The following LMAN2 variants were observed in gnomAD, a reference collection of about 807,000 sequenced individuals.
LMAN2 encodes vesicular integral-membrane protein VIP36.
In LMAN2, 22 loss-of-function variants were observed where a neutral mutation model predicts 39.3. The ratio of observed to expected loss-of-function variants is 0.56; its 90% CI spans 0.40 to 0.80. The LOEUF (loss-of-function observed/expected upper bound fraction) is 0.80, where lower values mean the gene tolerates loss of function less well. LMAN2 is among the 30% of genes least tolerant of loss of function. The probability of loss-of-function intolerance (pLI) is 0.00; values close to 1 mark genes in which losing one functional copy is unlikely to be tolerated. For missense variants in LMAN2, 494 were observed against 505.4 expected (o/e 0.98, Z 0.22); for synonymous variants, 207 against 207.8 (o/e 1.00, Z 0.03).
Position 177,332,194 on chromosome 5 carries a change from C to G in LMAN2, c.963G>C (p.Trp321Cys). 1 of 1,613,410 alleles carries G rather than the reference C, an allele frequency of 6.2e-7. No homozygotes were observed. Among genetic ancestry groups the G allele is most frequent in the East Asian group, 2.2e-5 (1 of 44,862 alleles). Reference protein sequence around the residue: ...GNFRSGPLTGWRVFLLLLCAL... With the variant: ...GNFRSGPLTGCRVFLLLLCAL... ...CGCACAGCAGCAGCAGGAACACCCG[C>G]CACCCCGTCAGGGGCCCGCTGCGGA... Residue 321 changes from tryptophan (W) to cysteine (C), a missense_variant, in exon 8 of 8, where the codon TGG becomes TGC. Physicochemically the swap from Trp to Cys is radical, Grantham distance 215. Coordinates refer to ENST00000303127, the MANE Select transcript of LMAN2 (RefSeq NM_006816.3). This position sits in a 1 kb window ranked among gnomAD's most constrained non-coding sequence, Gnocchi z 6.3.
In LMAN2 at chr5:177,337,596, A is replaced by G; in HGVS notation, c.514-72T>C. 2 of 1,605,820 alleles carry G rather than the reference A, an allele frequency of 1.2e-6. No individual in the cohort carries two copies. Among genetic ancestry groups the G allele is most frequent in the Non-Finnish European group, 1.7e-6 (2 of 1,174,582 alleles). ...GCGAGCAGGGGCACCCACCACCCCA[A>G]TCCCTGGAGGCTCCTCTTGTGCTGG... is the stretch of plus-strand genomic sequence containing the variant. On this transcript the variant is annotated intron_variant, in intron 4 of 7. Coordinates refer to ENST00000303127, the MANE Select transcript of LMAN2 (RefSeq NM_006816.3). The surrounding 1 kb of genome is among the most constrained non-coding windows in gnomAD (Gnocchi z 8.2).
intron 2 of LMAN2, among the ~76,000 whole-genome samples, chr5:177,345,916 C>T (rs1478637965): frequency 2.6e-5 from 4 of 152,122 alleles, no homozygotes; most frequent in South Asian, 2.1e-4. Flanking sequence ...TACAAGCGCC[C>T]GCCACCACAC....
intron 2 of LMAN2, among the ~76,000 whole-genome samples, chr5:177,344,556 A>T (rs925012553): frequency 4.6e-5 from 7 of 150,742 alleles, no homozygotes; most frequent in African/African-American, 1.7e-4. Flanking sequence ...CTGGGATTAT[A>T]GGCGTGAGCC....
chr5:177,335,289 C>T (rs2127314219), intron 6 of LMAN2, among the ~76,000 whole-genome samples: 1 of 152,344 alleles, frequency 6.6e-6, no homozygotes, highest in East Asian at 1.9e-4. Context: ...CATCTGGGCT[C>T]TGCTGCTTCC....
intron 2 of LMAN2, among the ~76,000 whole-genome samples, chr5:177,350,044 A>C (rs573231670): frequency 1.3e-5 from 2 of 152,226 alleles, no homozygotes; most frequent in Non-Finnish European, 2.9e-5. Context: ...GTGCAGACAT[A>C]ATGCATGCTT....
intron 6 of LMAN2, among the ~76,000 whole-genome samples, chr5:177,336,065 A>G (rs567538141): frequency 2.6e-5 from 4 of 152,230 alleles, no homozygotes; most frequent in Non-Finnish European, 5.9e-5. Flanking sequence ...AGACAATAAA[A>G]TTAATTACTC....
At chr5:177,350,077 GCT>G (rs553899344) in intron 2 of LMAN2, among the ~76,000 whole-genome samples, 130 of 152,326 alleles carry the variant, frequency 8.5e-4, no homozygotes, top group Middle Eastern at 6.8e-3. Context: ...GGGACTCCAC[GCT>G]CTGAGGATCA....
intron 6 of LMAN2, among the ~76,000 whole-genome samples, chr5:177,335,104 T>G (rs1761450341): frequency 6.6e-6 from 1 of 152,172 alleles, no homozygotes; most frequent in Non-Finnish European, 1.5e-5. Flanking sequence ...AGCCTGGGAC[T>G]GGAATCTGAG....
At chr5:177,335,712 C>G (rs1019170154) in intron 6 of LMAN2, among the ~76,000 whole-genome samples, 1 of 152,214 alleles carries the variant, frequency 6.6e-6, no homozygotes, top group Non-Finnish European at 1.5e-5. Flanking sequence ...TGAAAAACCC[C>G]CAAACAATGG....
chr5:177,341,013 C>A (rs1391517985), intron 2 of LMAN2, among the ~76,000 whole-genome samples: 10 of 151,626 alleles, frequency 6.6e-5, no homozygotes, highest in Non-Finnish European at 1.0e-4. Flanking sequence ...CCTCAGCCTC[C>A]CAAAGTGCTG....
intron 2 of LMAN2, among the ~76,000 whole-genome samples, chr5:177,338,858 C>T (rs996520164): frequency 1.3e-5 from 2 of 152,202 alleles, no homozygotes; most frequent in African/African-American, 2.4e-5. Flanking sequence ...GCCCAGACCC[C>T]GCCAGCAGAC....
intron 2 of LMAN2, among the ~76,000 whole-genome samples, chr5:177,342,577 T>C (rs1761572637): frequency 6.6e-6 from 1 of 152,084 alleles, no homozygotes; most frequent in Non-Finnish European, 1.5e-5. Context: ...TCCCAGCTAC[T>C]TGTGGGGCTG....
chr5:177,350,813 C>T (rs1761710822), intron 2 of LMAN2, among the ~76,000 whole-genome samples: 1 of 152,140 alleles, frequency 6.6e-6, no homozygotes, highest in Admixed American at 6.5e-5. Flanking sequence ...TCGGTTCTTC[C>T]CATTACTGAG....
In LMAN2 at chr5:177,337,084, G is replaced by C; in HGVS notation, c.790+52C>G. ...CAATCAACTGCATGGAAAGCTCCCA[G>C]TCCCTCAGGGTGAGCTGGGCTGGGA... On this transcript the variant is annotated intron_variant, in intron 6 of 7. Transcript: ENST00000303127. The surrounding 1 kb of genome is among the most constrained non-coding windows in gnomAD (Gnocchi z 8.2). 1 of 1,380,780 alleles carries C rather than the reference G, an allele frequency of 7.2e-7. No individual in the cohort carries two copies. The highest frequency in any genetic ancestry group is 1.0e-6 in the Non-Finnish European group (1 of 977,732). The allele number at this position is 1,380,780 out of a possible 1,614,324, so 85.5% of individuals were successfully genotyped here.
At chr5:177,334,531 C>G in intron 6 of LMAN2, 128 bp from the exon 7 acceptor site, 1 of 1,321,356 alleles carries the variant, frequency 7.6e-7, no homozygotes, top group South Asian at 1.5e-5. Flanking sequence ...GAGAGCACTG[C>G]CCAGCCGGCT....
intron 2 of LMAN2, among the ~76,000 whole-genome samples, chr5:177,345,738 T>TGCA (rs1256848785): frequency 1.7e-4 from 22 of 132,196 alleles, no homozygotes; most frequent in South Asian, 4.6e-4. Context: ...ATGGCATGCA[T>TGCA]TTATTTATTT....
intron 2 of LMAN2, among the ~76,000 whole-genome samples, chr5:177,344,325 G>A (rs1418535891): frequency 6.5e-5 from 8 of 122,766 alleles, no homozygotes; most frequent in Admixed American, 1.0e-4. Flanking sequence ...TTGCTCTGTC[G>A]CCAGGGTGGA....
chr5:177,344,281 C>CTTTTTTTTTTTTTTTTTTTTTTTTTT (rs59101629), intron 2 of LMAN2, among the ~76,000 whole-genome samples: 1 of 82,288 alleles, frequency 1.2e-5, no homozygotes, highest in Non-Finnish European at 2.3e-5. Flanking sequence ...CGCTTTGTTA[C>CTTTTTTTTTTTTTTTTTTTTTTTTTT]TTTTTTTTTT....
chr5:177,336,940 G>A (rs1478817453), intron 6 of LMAN2, 196 bp downstream of exon 6: 4 of 600,904 alleles, frequency 6.7e-6, no homozygotes, highest in Non-Finnish European at 1.2e-5. Context: ...AAAGGAGGAG[G>A]AGGAACACAG....
Sources: allele counts gnomAD v4.1 joint callset (sites outside exome capture counted in the v4.1 genomes callset), GRCh38; gene constraint gnomAD v4.1.1; non-coding constraint Gnocchi (gnomAD v3.1); transcripts MANE v1.5; gene names NCBI Gene and HGNC (gene_info 2026-07-23, HGNC 2026-07-21).